PLPPR5: variants seen among roughly 807,000 people sequenced by gnomAD.
The protein encoded by PLPPR5 is phospholipid phosphatase related 5.
A neutral mutation model predicts 33.9 loss-of-function variants in PLPPR5; 16 were observed. The observed-to-expected ratio is 0.47, with a 90% confidence interval of 0.32 to 0.72. The LOEUF is 0.72. Among genes scored for constraint, PLPPR5 ranks in the 30% least tolerant of loss-of-function variants. The pLI is 0.03. For missense variants in PLPPR5, 301 were observed against 406.7 expected (o/e 0.74, Z 2.23); for synonymous variants, 163 against 150.3 (o/e 1.08, Z -0.62).
chr1:98,999,753 AC>A (rs1365636810), intron 1 of PLPPR5, among the ~76,000 whole-genome samples: 1 of 152,160 alleles, frequency 6.6e-6, no homozygotes, highest in Admixed American at 6.5e-5. Flanking sequence ...ATCTATCTGT[AC>A]CACATACAAT....
chr1:98,927,509 C>T (rs536848031), intron 3 of PLPPR5, among the ~76,000 whole-genome samples: 68 of 152,338 alleles, frequency 4.5e-4, no homozygotes, highest in Admixed American at 4.4e-3. Flanking sequence ...AGCACACCTT[C>T]CTTATAGCCC....
At chr1:98,903,146 T>C (rs1196223202) in intron 5 of PLPPR5, among the ~76,000 whole-genome samples, 1 of 152,168 alleles carries the variant, frequency 6.6e-6, no homozygotes, top group Non-Finnish European at 1.5e-5. Flanking sequence ...AATTAAATTT[T>C]ACAAATGAGA....
At chr1:98,925,696 T>TAA (rs5776441) in intron 3 of PLPPR5, among the ~76,000 whole-genome samples, 8 of 151,758 alleles carry the variant, frequency 5.3e-5, no homozygotes, top group South Asian at 2.1e-4. Context: ...TAAATGGAAA[T>TAA]AAAAAAACAC....
In PLPPR5 at chr1:98,892,698, A is replaced by T. The variant is rs1262538733; in HGVS notation, c.*374T>A. ...AGATTAAAAAAATAACTAGCCCAAA[A>T]TAGAAGGTTTTCATACACAAATACG... On this transcript the variant is annotated 3_prime_UTR_variant, in exon 6 of 6. Coordinates refer to ENST00000263177, the MANE Select transcript of PLPPR5 (RefSeq NM_001037317.2). 4 of 180,048 alleles carry T rather than the reference A, an allele frequency of 2.2e-5. No individual in the cohort carries two copies. Among genetic ancestry groups the T allele is most frequent in the Non-Finnish European group, 4.6e-5 (4 of 86,832 alleles). The allele number at this position is 180,048 out of a possible 1,614,324, so 11.2% of individuals were successfully genotyped here.
intron 5 of PLPPR5, among the ~76,000 whole-genome samples, chr1:98,906,568 T>G (rs1486325444): frequency 6.6e-6 from 1 of 152,026 alleles, no homozygotes; most frequent in African/African-American, 2.4e-5. Context: ...TTAATGAAAT[T>G]TATATCAGGT....
At chr1:98,968,447 C>T (rs552977698) in intron 1 of PLPPR5, among the ~76,000 whole-genome samples, 253 of 152,130 alleles carry the variant, frequency 1.7e-3, no homozygotes, top group Non-Finnish European at 2.5e-3. Flanking sequence ...AATTTAAATA[C>T]TCTCTGGGAC....
intron 3 of PLPPR5, 72 bp from the exon 4 acceptor site, chr1:98,922,130 T>C: frequency 1.5e-6 from 2 of 1,359,888 alleles, no homozygotes; most frequent in Non-Finnish European, 2.0e-6. Context: ...ATTATGTGTA[T>C]GTACAAACAT....
At chr1:98,956,442 C>G (rs1329466) in intron 2 of PLPPR5, among the ~76,000 whole-genome samples, 167 bp downstream of exon 2, 40,804 of 151,934 alleles carry the variant, frequency 0.27, 5,758 homozygotes, top group East Asian at 0.49. Context: ...TTTGATACAA[C>G]CATCACCCAA....
At position 98,956,653 on chromosome 1, in the gene PLPPR5, C is replaced by T; in HGVS notation, c.326G>A (p.Cys109Tyr). ...NQEKTILTGD[C>Y]CYINPLVRRT... ...GCGCACCAGCGGGTTTATATAGCAACAGTCTCCAGTTAAAATAGTTTTTTC... is the reference window on the plus strand; with the variant it reads ...GCGCACCAGCGGGTTTATATAGCAATAGTCTCCAGTTAAAATAGTTTTTTC... Residue 109 changes from cysteine to tyrosine, a missense_variant, in exon 2 of 6, where the codon TGT becomes TAT. By Grantham distance (194) the Cys-to-Tyr change is radical. Transcript: ENST00000263177. 1.2e-6 allele frequency: 2 copies of T among 1,602,574 alleles called. No individual in the cohort carries two copies. The highest frequency in any genetic ancestry group is 1.7e-6 in the Non-Finnish European group (2 of 1,175,950).
In PLPPR5 at chr1:98,891,151, A is replaced by C. The variant is rs1648259242; in HGVS notation, c.*1921T>G. The C allele has an allele frequency of 6.6e-6, 1 of 152,114 alleles. No homozygotes were observed. Among genetic ancestry groups the C allele is most frequent in the African/African-American group, 2.4e-5 (1 of 41,426 alleles). The allele number at this position is 152,114 out of a possible 1,614,324, so 9.4% of individuals were successfully genotyped here. On this transcript the variant is annotated 3_prime_UTR_variant, in exon 6 of 6. Transcript: ENST00000263177. ...CTTTAAAAAGGGTCAAGACATTCAA[A>C]GTTTCTTCATGTTCTAAATTTCCAA...
At chr1:98,957,366 T>A (rs1385025295) in intron 1 of PLPPR5, among the ~76,000 whole-genome samples, 2 of 148,972 alleles carry the variant, frequency 1.3e-5, no homozygotes, top group Non-Finnish European at 3.0e-5. Context: ...AAAAGAAAAA[T>A]TATGAACAAA....
chr1:98,963,931 C>CT (rs753957755), intron 1 of PLPPR5, among the ~76,000 whole-genome samples: 22 of 152,298 alleles, frequency 1.4e-4, no homozygotes, highest in Admixed American at 2.0e-4. Context: ...TTGAGACACT[C>CT]TTTTCACTGA....
At chr1:98,995,473 A>G (rs1652600765) in intron 1 of PLPPR5, among the ~76,000 whole-genome samples, 1 of 152,170 alleles carries the variant, frequency 6.6e-6, no homozygotes, top group African/African-American at 2.4e-5. Context: ...AAAAGTTTAA[A>G]AAGAGACTTT....
At chr1:98,905,054 TACGATA>T (rs1648845358) in intron 5 of PLPPR5, among the ~76,000 whole-genome samples, 3 of 152,210 alleles carry the variant, frequency 2.0e-5, no homozygotes. Context: ...ACTGGATTCT[TACGATA>T]GCCTTTCCGA....
chr1:98,893,315 T>C (rs1648351416), intron 5 of PLPPR5, among the ~76,000 whole-genome samples: 1 of 152,078 alleles, frequency 6.6e-6, no homozygotes, highest in South Asian at 2.1e-4. Flanking sequence ...TACAAATAGA[T>C]TAAAATGTTA....
At chr1:98,907,057 C>T (rs1472066609) in intron 5 of PLPPR5, among the ~76,000 whole-genome samples, 3 of 152,098 alleles carry the variant, frequency 2.0e-5, no homozygotes, top group African/African-American at 4.8e-5. Flanking sequence ...TTTAATCCCA[C>T]CACGGCATTA....
intron 1 of PLPPR5, among the ~76,000 whole-genome samples, chr1:98,998,241 G>T (rs895227426): frequency 3.9e-5 from 6 of 152,088 alleles, no homozygotes; most frequent in Admixed American, 1.3e-4. Flanking sequence ...TCTAGTGCCA[G>T]GTCTCATTTT....
At chr1:98,940,542 C>T (rs758634195) in intron 3 of PLPPR5, among the ~76,000 whole-genome samples, 17 of 151,850 alleles carry the variant, frequency 1.1e-4, no homozygotes, top group African/African-American at 1.4e-4. Context: ...AGGAGTGTAA[C>T]GCTTGAAAGG....
At chr1:99,005,321 G>A (rs187673385), upstream of PLPPR5, among the ~76,000 whole-genome samples, 698 of 152,248 alleles carry the variant, frequency 4.6e-3, 4 homozygotes, top group African/African-American at 0.016. Context: ...GTGCCGATGC[G>A]GCGCCCAGAG....
Sources: gnomAD v4.1 joint callset for allele counts (sites outside exome capture counted in the v4.1 genomes callset) on GRCh38, gnomAD v4.1.1 for gene constraint, MANE v1.5 for transcripts, NCBI Gene and HGNC (gene_info 2026-07-23, HGNC 2026-07-21) for gene names.